The following IMMP2L variants were observed in gnomAD, a reference collection of about 807,000 sequenced individuals.
IMMP2L encodes mitochondrial inner membrane protease subunit 2.
A neutral mutation model predicts 19.3 loss-of-function variants in IMMP2L; 18 were observed. The observed-to-expected ratio is 0.93, with a 90% CI of 0.64 to 1.38. The LOEUF (loss-of-function observed/expected upper bound fraction) is 1.38, where lower values mean the gene tolerates loss of function less well. Among genes scored for constraint, IMMP2L ranks in the 40% most tolerant of loss-of-function variants. The probability of loss-of-function intolerance (pLI) is 0.00; values close to 1 mark genes in which losing one functional copy is unlikely to be tolerated. For missense variants in IMMP2L, 233 were observed against 218.2 expected, an observed-to-expected ratio of 1.07 and a Z score of -0.43; for synonymous variants, 76 against 73.0, an observed-to-expected ratio of 1.04 and a Z score of -0.21.
intron 3 of IMMP2L, among the ~76,000 whole-genome samples, chr7:111,002,552 C>CCT (rs1023295452): frequency 5.9e-5 from 9 of 152,148 alleles, no homozygotes; most frequent in Admixed American, 5.9e-4. Flanking sequence ...TTCTTGAAGG[C>CCT]CTGTCAGAGG....
chr7:111,495,546 C>T (rs528265573), intron 2 of IMMP2L, among the ~76,000 whole-genome samples: 1 of 152,156 alleles, frequency 6.6e-6, no homozygotes, highest in East Asian at 1.9e-4. Context: ...GTCAAGGTAT[C>T]CTAAATCCTC....
chr7:111,539,176 GAAGGAAGGAAGGAAGGAGGGAGAAAGAA>G (rs1563330188), intron 1 of IMMP2L, among the ~76,000 whole-genome samples: 7 of 66,904 alleles, frequency 1.0e-4, no homozygotes, highest in African/African-American at 3.0e-4. Context: ...AGGAAGGAAG[GAAGGAAGGAAGGAAGGAGGGAGAAAGAA>G]AGAAAGAAAG....
At position 110,938,713 on chromosome 7, in the gene IMMP2L, C is replaced by T. The variant is rs563459010; in HGVS notation, c.305+24787G>A. Among the ~76,000 whole-genome samples, 8 of 152,126 alleles carry T rather than the reference C, an allele frequency of 5.3e-5. No homozygotes were observed. The South Asian group carries it at 1.7e-3, about 32-fold the overall frequency. Reference sequence around the variant, plus strand: ...AATATATCCATGTAACAAAACTGCACTTTTACCCCCTAAATCTACAAAACA... The same window carrying T: ...AATATATCCATGTAACAAAACTGCATTTTTACCCCCTAAATCTACAAAACA... On this transcript the variant is annotated intron_variant, in intron 4 of 5. Transcript: ENST00000405709.
At chr7:110,937,186 G>C (rs964826236) in intron 4 of IMMP2L, among the ~76,000 whole-genome samples, 5 of 152,096 alleles carry the variant, frequency 3.3e-5, no homozygotes, top group Admixed American at 3.3e-4. Flanking sequence ...ACGTATCCTA[G>C]AAATTAAAGT....
chr7:111,501,318 C>T (rs1844226171), intron 2 of IMMP2L, among the ~76,000 whole-genome samples: 1 of 152,040 alleles, frequency 6.6e-6, no homozygotes, highest in Non-Finnish European at 1.5e-5. Flanking sequence ...AAATATGGGA[C>T]TATGTGAAAA....
chr7:111,441,981 AC>A (rs1360347766), intron 3 of IMMP2L, among the ~76,000 whole-genome samples: 2 of 151,688 alleles, frequency 1.3e-5, no homozygotes, highest in African/African-American at 4.9e-5. Context: ...TACTAAAAAT[AC>A]AAAAATTAGC....
chr7:111,114,852 A>G (rs2129585052), intron 3 of IMMP2L, among the ~76,000 whole-genome samples: 1 of 152,258 alleles, frequency 6.6e-6, no homozygotes, highest in Non-Finnish European at 1.5e-5. Flanking sequence ...GGTGATTTTT[A>G]TTTTAGAAAT....
chr7:111,385,173 A>T (rs1003453934), intron 3 of IMMP2L, among the ~76,000 whole-genome samples: 2 of 152,120 alleles, frequency 1.3e-5, no homozygotes, highest in African/African-American at 4.8e-5. Context: ...TGGGGGGGCA[A>T]GGGTACAGTT....
intron 3 of IMMP2L, among the ~76,000 whole-genome samples, chr7:111,021,238 T>C (rs1826244878): frequency 6.6e-6 from 1 of 152,228 alleles, no homozygotes; most frequent in Non-Finnish European, 1.5e-5. Flanking sequence ...ATTATCCAGC[T>C]CATCTTTCCG....
At chr7:111,453,089 T>C (rs1329828081) in intron 3 of IMMP2L, among the ~76,000 whole-genome samples, 1 of 152,158 alleles carries the variant, frequency 6.6e-6, no homozygotes, top group Non-Finnish European at 1.5e-5. Context: ...TCTAATTGCA[T>C]GTGATTTTTC....
chr7:111,444,575 A>G (rs1838106532), intron 3 of IMMP2L, among the ~76,000 whole-genome samples: 1 of 152,098 alleles, frequency 6.6e-6, no homozygotes, highest in Admixed American at 6.5e-5. Context: ...TTTTTAAATT[A>G]TTTTTTACTT....
intron 3 of IMMP2L, among the ~76,000 whole-genome samples, chr7:111,440,376 C>A (rs1334640461): frequency 6.6e-6 from 1 of 151,896 alleles, no homozygotes; most frequent in Non-Finnish European, 1.5e-5. Context: ...GATCCTTGAG[C>A]AACAGGATGG....
Position 111,214,322 on chromosome 7 carries a change from A to AT in IMMP2L, c.240-250758dup, listed in dbSNP as rs1204773622. ...AATCCAGTGAATGAATGACAAAGTA[A>AT]TTTTTCTTCTTTTTTTTTTTTTTTT... On this transcript the variant is annotated intron_variant, in intron 3 of 5. Transcript: ENST00000405709. 2.9e-3 allele frequency among the ~76,000 whole-genome samples: 222 copies of AT among 77,288 alleles called. 12 individuals carry two copies. Among genetic ancestry groups the AT allele is most frequent in the Non-Finnish European group, 4.0e-3 (134 of 33,308 alleles). The allele number at this position is 77,288 out of a possible 152,430, so 50.7% of individuals were successfully genotyped here.
chr7:111,400,498 C>T (rs1022694293), intron 3 of IMMP2L, among the ~76,000 whole-genome samples: 23 of 152,118 alleles, frequency 1.5e-4, no homozygotes, highest in African/African-American at 5.6e-4. Context: ...CCCCACCAGT[C>T]TGACCCTTCC....
intron 5 of IMMP2L, among the ~76,000 whole-genome samples, chr7:110,821,468 A>C (rs73192866): frequency 0.26 from 39,326 of 152,048 alleles, 5,260 homozygotes; most frequent in Middle Eastern, 0.3. Context: ...GATTTCACAG[A>C]TATAAAAAAA....
At chr7:111,518,215 T>C (rs974384177) in intron 2 of IMMP2L, among the ~76,000 whole-genome samples, 4 of 152,064 alleles carry the variant, frequency 2.6e-5, no homozygotes, top group Non-Finnish European at 5.9e-5. Context: ...GAGGGAATCT[T>C]AAAAACATGC....
chr7:111,034,456 T>C (rs1354982265), intron 3 of IMMP2L, among the ~76,000 whole-genome samples: 1 of 152,096 alleles, frequency 6.6e-6, no homozygotes, highest in Non-Finnish European at 1.5e-5. Context: ...AAGAGGTGAT[T>C]AGAATTTCAG....
At chr7:111,114,726 G>A (rs1358350775) in intron 3 of IMMP2L, among the ~76,000 whole-genome samples, 1 of 130,090 alleles carries the variant, frequency 7.7e-6, no homozygotes, top group Non-Finnish European at 1.6e-5. Flanking sequence ...GGCAACAGGC[G>A]AGACTCCATC....
chr7:111,129,830 G>T (rs1468690813), intron 3 of IMMP2L, among the ~76,000 whole-genome samples: 3 of 152,104 alleles, frequency 2.0e-5, no homozygotes, highest in Non-Finnish European at 4.4e-5. Context: ...GAGGAGCAAA[G>T]TGCAAAATCA....
Sources: gnomAD v4.1 joint callset for allele counts (sites outside exome capture counted in the v4.1 genomes callset) on GRCh38, gnomAD v4.1.1 for gene constraint, MANE v1.5 for transcripts, NCBI Gene and HGNC (gene_info 2026-07-23, HGNC 2026-07-21) for gene names.